Variants in FHIT observed in about 807,000 individuals in gnomAD.
The protein encoded by FHIT is fragile histidine triad diadenosine triphosphatase.
A neutral mutation model predicts 17.9 loss-of-function variants in FHIT; 19 were observed. That is an observed-to-expected ratio of 1.06 (90% CI 0.74 to 1.56). The LOEUF is 1.56. FHIT is among the 40% of genes most tolerant of loss of function. FHIT has a pLI of 0.00. For missense variants in FHIT, 248 were observed against 189.2 expected (o/e 1.31, Z -1.82); for synonymous variants, 81 against 69.7 (o/e 1.16, Z -0.81).
chr3:60,103,835 T>C, intron 5 of FHIT, among the ~76,000 whole-genome samples: 1 of 152,192 alleles, frequency 6.6e-6, no homozygotes, highest in Non-Finnish European at 1.5e-5. Context: ...TCCTTTGTGC[T>C]TTACTTGGAT....
chr3:60,529,625 A>G (rs2035697028), intron 5 of FHIT, among the ~76,000 whole-genome samples: 1 of 152,198 alleles, frequency 6.6e-6, no homozygotes, highest in Non-Finnish European at 1.5e-5. Context: ...GTTCCTTAAA[A>G]TCTGATGACT....
chr3:60,191,196 G>A (rs1702388074), intron 5 of FHIT, among the ~76,000 whole-genome samples: 1 of 152,134 alleles, frequency 6.6e-6, no homozygotes. Context: ...ATACTATACA[G>A]CTTTGGTACC....
At chr3:60,161,280 C>A (rs2107365556) in intron 5 of FHIT, among the ~76,000 whole-genome samples, 1 of 152,308 alleles carries the variant, frequency 6.6e-6, no homozygotes, top group African/African-American at 2.4e-5. Flanking sequence ...CCAAACCCTT[C>A]CCATGGGCAT....
At chr3:60,979,761 G>C (rs1309312770) in intron 3 of FHIT, among the ~76,000 whole-genome samples, 1 of 152,160 alleles carries the variant, frequency 6.6e-6, no homozygotes, top group Non-Finnish European at 1.5e-5. Context: ...CACCCCCTCT[G>C]TCCCAGGATC....
At chr3:60,098,047 A>T (rs1250102451) in intron 5 of FHIT, among the ~76,000 whole-genome samples, 2 of 151,578 alleles carry the variant, frequency 1.3e-5, no homozygotes, top group Non-Finnish European at 2.9e-5. Flanking sequence ...ACATGAACTG[A>T]TTATTTTTTA....
At chr3:60,282,722 T>A (rs1192063405) in intron 5 of FHIT, among the ~76,000 whole-genome samples, 1 of 152,098 alleles carries the variant, frequency 6.6e-6, no homozygotes. Flanking sequence ...GGTAAGTCTC[T>A]CAACTATCTG....
intron 5 of FHIT, among the ~76,000 whole-genome samples, chr3:60,297,168 A>G (rs1278930751): frequency 6.6e-6 from 1 of 152,044 alleles, no homozygotes; most frequent in Non-Finnish European, 1.5e-5. Context: ...TCTTGTCTAT[A>G]TCTACTAAAA....
intron 5 of FHIT, among the ~76,000 whole-genome samples, chr3:60,212,566 T>C (rs1159441647): frequency 6.6e-6 from 1 of 152,122 alleles, no homozygotes; most frequent in Non-Finnish European, 1.5e-5. Context: ...ACGGGAGACA[T>C]ATAAGTAAAC....
At chr3:60,896,882 C>G (rs1402540395) in intron 3 of FHIT, among the ~76,000 whole-genome samples, 1 of 152,166 alleles carries the variant, frequency 6.6e-6, no homozygotes, top group Non-Finnish European at 1.5e-5. Context: ...CAGAGAAGTA[C>G]TACATCACTG....
intron 5 of FHIT, among the ~76,000 whole-genome samples, chr3:60,034,587 C>G (rs548005583): frequency 1.3e-5 from 2 of 152,240 alleles, no homozygotes; most frequent in Admixed American, 6.5e-5. Flanking sequence ...CCAGATTACA[C>G]AAACTAAAGT....
intron 5 of FHIT, among the ~76,000 whole-genome samples, chr3:60,414,116 G>A (rs544206361): frequency 3.3e-4 from 50 of 152,186 alleles, no homozygotes; most frequent in Non-Finnish European, 6.3e-4. Flanking sequence ...GTTAGGAAAC[G>A]CCTTTATGAA....
At chr3:59,995,403 T>C (rs1699464628) in intron 7 of FHIT, among the ~76,000 whole-genome samples, 1 of 152,066 alleles carries the variant, frequency 6.6e-6, no homozygotes, top group South Asian at 2.1e-4. Context: ...CTTAGTCTCT[T>C]GAGGAGGTAA....
chr3:60,891,499 G>T (rs914573344), intron 3 of FHIT, among the ~76,000 whole-genome samples: 2 of 152,148 alleles, frequency 1.3e-5, no homozygotes, highest in Non-Finnish European at 2.9e-5. Flanking sequence ...ATATATAACT[G>T]ACAGCCTTTT....
intron 8 of FHIT, among the ~76,000 whole-genome samples, chr3:59,819,310 G>A (rs964154209): frequency 1.3e-5 from 2 of 152,032 alleles, no homozygotes; most frequent in Admixed American, 6.5e-5. Flanking sequence ...ATTTCTCGAG[G>A]TTCTTGCCTA....
intron 8 of FHIT, among the ~76,000 whole-genome samples, chr3:59,873,729 G>A (rs145325698): frequency 5.3e-5 from 8 of 152,248 alleles, no homozygotes; most frequent in South Asian, 2.1e-4. Context: ...CGGGGGAGAA[G>A]AGTCGAAAAG....
intron 4 of FHIT, among the ~76,000 whole-genome samples, chr3:60,749,304 C>A (rs564187573): frequency 2.8e-5 from 3 of 105,966 alleles, no homozygotes; most frequent in Non-Finnish European, 5.7e-5. Context: ...AGCTCTGAGA[C>A]GGTTTTTTTT....
At chr3:60,961,773 G>C (rs1709460852) in intron 3 of FHIT, among the ~76,000 whole-genome samples, 1 of 152,182 alleles carries the variant, frequency 6.6e-6, no homozygotes, top group Admixed American at 6.5e-5. Context: ...GCTCTGTTCT[G>C]TTCCATTGGC....
chr3:61,135,436 T>C (rs2036886901), intron 2 of FHIT, among the ~76,000 whole-genome samples: 1 of 152,222 alleles, frequency 6.6e-6, no homozygotes, highest in East Asian at 1.9e-4. Context: ...CCTGCAACTG[T>C]ATATACTCAT....
At chr3:61,211,943 G>C (rs1353898082) in intron 1 of FHIT, among the ~76,000 whole-genome samples, 1 of 152,170 alleles carries the variant, frequency 6.6e-6, no homozygotes. Context: ...TGCAGCTGAG[G>C]GTCCTGTCTC....
Sources: gnomAD v4.1 joint callset for allele counts (sites outside exome capture counted in the v4.1 genomes callset) on GRCh38, gnomAD v4.1.1 for gene constraint, MANE v1.5 for transcripts, NCBI Gene and HGNC (gene_info 2026-07-23, HGNC 2026-07-21) for gene names.